Variants in ELMO1 observed in about 807,000 individuals in gnomAD.
ELMO1 encodes the protein engulfment and cell motility protein 1.
ELMO1 carries 26 observed loss-of-function variants against 98.9 expected under a neutral mutation model. That is an observed-to-expected ratio of 0.26 (90% confidence interval 0.19 to 0.36). The LOEUF (loss-of-function observed/expected upper bound fraction) is 0.36. Ranked by LOEUF, ELMO1 falls within the 10% of genes least tolerant of loss-of-function variation. ELMO1 has a pLI of 1.00. For synonymous variants in ELMO1, 346 were observed against 346.0 expected (o/e 1.00, Z 0.00); for missense variants, 627 against 935.2 (o/e 0.67, Z 4.30).
chr7:37,429,022 T>G (rs7797109), intron 1 of ELMO1, among the ~76,000 whole-genome samples: 30 of 5,728 alleles, frequency 5.2e-3, no homozygotes, highest in Non-Finnish European at 8.5e-3. Context: ...TACTGCAGGT[T>G]GTTGTTGTTG....
At chr7:37,202,263 T>A (rs1033618690) in intron 13 of ELMO1, among the ~76,000 whole-genome samples, 2 of 152,244 alleles carry the variant, frequency 1.3e-5, no homozygotes, top group Admixed American at 6.5e-5. Context: ...GAAAAGTGAT[T>A]CGATTGACAA....
intron 21 of ELMO1, among the ~76,000 whole-genome samples, chr7:36,856,527 C>G (rs1198021811): frequency 6.6e-6 from 1 of 152,194 alleles, no homozygotes; most frequent in African/African-American, 2.4e-5. Context: ...CAGTACCCAA[C>G]TAAGAGTCTG....
chr7:37,125,436 A>G (rs1484185067), intron 14 of ELMO1, among the ~76,000 whole-genome samples: 1 of 152,264 alleles, frequency 6.6e-6, no homozygotes, highest in Non-Finnish European at 1.5e-5. Context: ...AAACAAATTT[A>G]CAAGAAAAAA....
intron 7 of ELMO1, among the ~76,000 whole-genome samples, 193 bp from the exon 8 acceptor site, chr7:37,233,387 G>C (rs1158082960): frequency 3.9e-5 from 6 of 151,944 alleles, no homozygotes; most frequent in Non-Finnish European, 7.4e-5. Context: ...GGTTGGGCAG[G>C]ACGGCCTTGA....
At chr7:37,213,254 T>A in intron 12 of ELMO1, 81 bp downstream of exon 12, 1 of 1,537,916 alleles carries the variant, frequency 6.5e-7, no homozygotes, top group Non-Finnish European at 8.8e-7. Context: ...AACTCCCTAG[T>A]TTCAGGGTAC....
At chr7:37,054,484 C>T (rs1348482485) in intron 15 of ELMO1, among the ~76,000 whole-genome samples, 1 of 151,998 alleles carries the variant, frequency 6.6e-6, no homozygotes, top group African/African-American at 2.4e-5. Context: ...TGTGTGTTAT[C>T]TATCATAAAG....
At chr7:36,938,543 C>T (rs1284413802) in intron 16 of ELMO1, among the ~76,000 whole-genome samples, 1 of 152,198 alleles carries the variant, frequency 6.6e-6, no homozygotes, top group Non-Finnish European at 1.5e-5. Context: ...TTGAGTCTCA[C>T]ATTAAAAAGT....
At chr7:37,212,127 C>T (rs898192598) in intron 12 of ELMO1, among the ~76,000 whole-genome samples, 2 of 152,156 alleles carry the variant, frequency 1.3e-5, no homozygotes, top group Non-Finnish European at 2.9e-5. Flanking sequence ...AAACCAGACA[C>T]AGAAATATGC....
intron 15 of ELMO1, among the ~76,000 whole-genome samples, chr7:37,052,255 G>A (rs148084498): frequency 1.4e-4 from 22 of 152,140 alleles, no homozygotes; most frequent in African/African-American, 3.1e-4. Context: ...AAGTTCATCC[G>A]ATCTCTGCTT....
rs925957190 is a variant in ELMO1, at chr7:37,197,830, T to C, written c.1086+13556A>G. ...CAGAGGAAGAGGTGCTGGATGCCTA[T>C]AACTACCTTTCCCAGGTACCAGGAC... On this transcript the variant is annotated intron_variant, in intron 13 of 21. Transcript: ENST00000310758. Among the ~76,000 whole-genome samples, 3 of 152,118 alleles carry C rather than the reference T, an allele frequency of 2.0e-5. No individual in the cohort carries two copies. The East Asian group carries it at 5.8e-4, about 29-fold the overall frequency.
intron 16 of ELMO1, among the ~76,000 whole-genome samples, chr7:36,978,881 G>C (rs770648921): frequency 3.9e-5 from 6 of 152,162 alleles, no homozygotes; most frequent in Admixed American, 6.5e-5. Context: ...AAGCATAATA[G>C]TAAGCCCTTA....
At chr7:37,445,978 A>C (rs1009921495) in intron 1 of ELMO1, among the ~76,000 whole-genome samples, 2 of 152,200 alleles carry the variant, frequency 1.3e-5, no homozygotes, top group Non-Finnish European at 2.9e-5. Flanking sequence ...TAATCTCCCA[A>C]GGAATCACCT....
At chr7:37,364,678 A>G (rs1190011995) in intron 1 of ELMO1, among the ~76,000 whole-genome samples, 1 of 151,526 alleles carries the variant, frequency 6.6e-6, no homozygotes, top group Non-Finnish European at 1.5e-5. Context: ...TCACCATTTT[A>G]AAATTTGGCA....
intron 20 of ELMO1, among the ~76,000 whole-genome samples, chr7:36,862,944 A>G (rs1430793964): frequency 6.6e-6 from 1 of 152,254 alleles, no homozygotes; most frequent in Non-Finnish European, 1.5e-5. Flanking sequence ...AGATGAGGTC[A>G]GTGCCTACAG....
intron 13 of ELMO1, among the ~76,000 whole-genome samples, chr7:37,152,063 T>C (rs997802079): frequency 1.3e-5 from 2 of 152,202 alleles, no homozygotes; most frequent in Non-Finnish European, 2.9e-5. Flanking sequence ...GTTAGGTAAA[T>C]AGCATGTGAA....
intron 17 of ELMO1, among the ~76,000 whole-genome samples, chr7:36,888,104 C>T (rs763329801): frequency 7.2e-5 from 11 of 152,148 alleles, no homozygotes; most frequent in Non-Finnish European, 1.2e-4. Context: ...GGCAACCACA[C>T]GATTACTATT....
intron 1 of ELMO1, among the ~76,000 whole-genome samples, chr7:37,390,772 G>T (rs747268887): frequency 1.3e-5 from 2 of 152,116 alleles, no homozygotes; most frequent in Non-Finnish European, 2.9e-5. Context: ...CCATGCTATT[G>T]CTTCTATCCA....
intron 13 of ELMO1, among the ~76,000 whole-genome samples, chr7:37,209,990 C>T (rs947752409): frequency 5.9e-5 from 9 of 152,160 alleles, no homozygotes; most frequent in South Asian, 2.1e-4. Context: ...TTATTTAAAA[C>T]GTCATATTAA....
chr7:37,159,964 T>C (rs11768811), intron 13 of ELMO1, among the ~76,000 whole-genome samples: 107,451 of 152,122 alleles, frequency 0.71, 40,625 homozygotes, highest in Non-Finnish European at 0.83. Context: ...ATAATGAAAA[T>C]TTTAATTTAG....
Sources: gnomAD v4.1 joint callset for allele counts (sites outside exome capture counted in the v4.1 genomes callset) on GRCh38, gnomAD v4.1.1 for gene constraint, MANE v1.5 for transcripts, NCBI Gene and HGNC (gene_info 2026-07-23, HGNC 2026-07-21) for gene names.